Variants in UNC5B observed in about 807,000 individuals in gnomAD.
UNC5B encodes the protein netrin receptor UNC5B.
UNC5B carries 56 observed loss-of-function variants against 103.7 expected under a neutral mutation model. The observed-to-expected ratio is 0.54, with a 90% CI of 0.44 to 0.67. The LOEUF (loss-of-function observed/expected upper bound fraction) is 0.67. UNC5B is among the 30% of genes least tolerant of loss of function. The pLI, the probability that UNC5B is intolerant of heterozygous loss-of-function variation, is 0.00. For missense variants in UNC5B, 1,194 were observed against 1,284.5 expected, an observed-to-expected ratio of 0.93 and a Z score of 1.08; for synonymous variants, 577 against 542.0, an observed-to-expected ratio of 1.06 and a Z score of -0.90.
chr10:71,286,347 TTTAG>T (rs2132305064), intron 4 of UNC5B, among the ~76,000 whole-genome samples: 2 of 152,352 alleles, frequency 1.3e-5, no homozygotes, highest in South Asian at 4.1e-4. Context: ...CTAGCACCTA[TTTAG>T]TTAGTTTAAC....
At chr10:71,267,064 G>A (rs1461707395) in intron 1 of UNC5B, among the ~76,000 whole-genome samples, 2 of 152,092 alleles carry the variant, frequency 1.3e-5, no homozygotes, top group African/African-American at 4.8e-5. Flanking sequence ...GGCATCCACG[G>A]GGGGTCTTGG....
Position 71,299,192 on chromosome 10 carries a change from G to T in UNC5B, c.2753G>T (p.Gly918Val). The T allele has an allele frequency of 6.2e-7, 1 of 1,614,256 alleles. No homozygotes were observed. The highest frequency in any genetic ancestry group is 8.5e-7 in the Non-Finnish European group (1 of 1,180,044). ...TGGGAAGCTCTGCAGCAGGACGATG[G>T]GGACCTCAACAGCCTGGCGAGTGCC... is the stretch of plus-strand genomic sequence containing the variant. ...DLWEALQQDD[G>V]DLNSLASALE... Residue 918 changes from glycine (G) to valine (V), a missense_variant, in exon 17 of 17, where the codon GGG becomes GTG. Coordinates refer to ENST00000335350, the MANE Select transcript of UNC5B (RefSeq NM_170744.5).
chr10:71,270,579 A>C (rs1844625283), intron 1 of UNC5B, among the ~76,000 whole-genome samples: 1 of 152,126 alleles, frequency 6.6e-6, no homozygotes. Context: ...GCCCAGAGAG[A>C]GGAAGGGTCC....
In UNC5B at chr10:71,213,728, A is replaced by AGTGTGTGTGTGTGTGTGTGTGT. The variant is rs58235566; in HGVS notation, c.79+677_79+698dup. ...ATTATTAATTTTCTGAGTGTTGGAG[A>AGTGTGTGTGTGTGTGTGTGTGT]GTGTGTGTGTGTGTGTGTGTGTGTG... On this transcript the variant is annotated intron_variant, in intron 1 of 16. Transcript: ENST00000335350. This position sits in a 1 kb window ranked among gnomAD's most constrained non-coding sequence, Gnocchi z 4.1. Among the ~76,000 whole-genome samples, 354 of 131,446 alleles carry AGTGTGTGTGTGTGTGTGTGTGT rather than the reference A, an allele frequency of 2.7e-3. 2 individuals are homozygous for AGTGTGTGTGTGTGTGTGTGTGT. Among genetic ancestry groups the AGTGTGTGTGTGTGTGTGTGTGT allele is most frequent in the African/African-American group, 9.4e-3 (323 of 34,240 alleles). The allele number at this position is 131,446 out of a possible 152,430, so 86.2% of individuals were successfully genotyped here.
intron 1 of UNC5B, among the ~76,000 whole-genome samples, chr10:71,222,441 G>A (rs986926338): frequency 2.0e-5 from 3 of 152,204 alleles, no homozygotes; most frequent in Admixed American, 6.5e-5. Flanking sequence ...CTGATGTGAC[G>A]TGAACACACA....
chr10:71,277,736 C>T (rs1271412461), intron 1 of UNC5B, among the ~76,000 whole-genome samples: 1 of 152,218 alleles, frequency 6.6e-6, no homozygotes, highest in Admixed American at 6.5e-5. Flanking sequence ...GGAGCCCTGG[C>T]CTGGCCTCAG....
rs1247597758 is a variant in UNC5B at position 71,279,801 on chromosome 10, G to T, written c.80-20G>T. On this transcript the variant is annotated intron_variant, in intron 1 of 16. Transcript: ENST00000335350. ...CCCTCCCAGCACACAGCCTCATGGA[G>T]GTCTCCACTCACTCTGCAGGCACTG... is the stretch of plus-strand genomic sequence containing the variant. 1.2e-6 allele frequency: 2 copies of T among 1,608,152 alleles called. No individual in the cohort carries two copies. Among genetic ancestry groups the T allele is most frequent in the Non-Finnish European group, 1.7e-6 (2 of 1,177,714 alleles).
chr10:71,214,512 T>C (rs1179034940), intron 1 of UNC5B, among the ~76,000 whole-genome samples: 3 of 152,088 alleles, frequency 2.0e-5, no homozygotes, highest in African/African-American at 7.2e-5. Context: ...AACCTTGTTT[T>C]AAAGGGTGCA....
chr10:71,276,583 A>G (rs1414241043), intron 1 of UNC5B, among the ~76,000 whole-genome samples: 2 of 152,152 alleles, frequency 1.3e-5, no homozygotes, highest in Non-Finnish European at 2.9e-5. Context: ...AGAGGTGCAC[A>G]CCACCATGCC....
chr10:71,297,402 A>C (rs1208498462), intron 15 of UNC5B, among the ~76,000 whole-genome samples: 1 of 152,268 alleles, frequency 6.6e-6, no homozygotes, highest in East Asian at 1.9e-4. Context: ...TGCAAGGACC[A>C]GGCCTGTGGT....
At chr10:71,235,745 A>G (rs1263903859) in intron 1 of UNC5B, among the ~76,000 whole-genome samples, 1 of 152,226 alleles carries the variant, frequency 6.6e-6, no homozygotes, top group Non-Finnish European at 1.5e-5. Flanking sequence ...CTGAAAAGGA[A>G]GGGCAGCTCC....
At chr10:71,263,965 T>A (rs1255779026) in intron 1 of UNC5B, among the ~76,000 whole-genome samples, 2 of 152,330 alleles carry the variant, frequency 1.3e-5, no homozygotes, top group Admixed American at 1.3e-4. Context: ...GTGATATTGA[T>A]GTACTCTGAG....
At chr10:71,224,116 G>T (rs573871274) in intron 1 of UNC5B, among the ~76,000 whole-genome samples, 84 of 152,264 alleles carry the variant, frequency 5.5e-4, no homozygotes, top group African/African-American at 1.9e-3. Flanking sequence ...GGCTGATCTG[G>T]AATTCCTCCC....
chr10:71,270,944 G>C (rs1589181664), intron 1 of UNC5B, among the ~76,000 whole-genome samples: 1 of 152,248 alleles, frequency 6.6e-6, no homozygotes, highest in African/African-American at 2.4e-5. Context: ...CCCAGCCTGG[G>C]TGGGGCTCTC....
chr10:71,294,372 G>T (rs904753159), intron 13 of UNC5B, among the ~76,000 whole-genome samples: 11 of 152,230 alleles, frequency 7.2e-5, no homozygotes, highest in African/African-American at 2.7e-4. Context: ...GGGCGAGATG[G>T]GCAGGGCTCA....
intron 1 of UNC5B, among the ~76,000 whole-genome samples, chr10:71,265,254 G>T (rs1442634922): frequency 6.6e-6 from 1 of 152,200 alleles, no homozygotes; most frequent in Non-Finnish European, 1.5e-5. Flanking sequence ...GTACTAAAGG[G>T]AAAGGTGGTT....
chr10:71,252,048 CAT>C (rs35976435), intron 1 of UNC5B, among the ~76,000 whole-genome samples: 29,247 of 152,144 alleles, frequency 0.19, 3,382 homozygotes, highest in Non-Finnish European at 0.27. Context: ...ATAAGTGTCA[CAT>C]ATATATATTA....
Position 71,302,805 on chromosome 10 carries a change from A to T in UNC5B, c.*3528A>T, listed in dbSNP as rs1289301693. The T allele has an allele frequency of 1.3e-5, 2 of 152,188 alleles. No homozygotes were observed. Among genetic ancestry groups the T allele is most frequent in the African/African-American group, 4.8e-5 (2 of 41,442 alleles). The allele number at this position is 152,188 out of a possible 1,614,324, so 9.4% of individuals were successfully genotyped here. A position where few individuals can be genotyped will look rare whatever the true frequency, so the allele number is the denominator to read the frequency against. On this transcript the variant is annotated 3_prime_UTR_variant, in exon 17 of 17. Transcript: ENST00000335350. ...CTGCAACCTATAAATAACCTTTAGC[A>T]TTCCTATTGTAACAAAATTAATTTT... is the stretch of plus-strand genomic sequence containing the variant.
At chr10:71,272,256 G>A (rs921291190) in intron 1 of UNC5B, among the ~76,000 whole-genome samples, 2 of 152,144 alleles carry the variant, frequency 1.3e-5, no homozygotes, top group Non-Finnish European at 2.9e-5. Flanking sequence ...TGTGCCCAGC[G>A]TGGGGCGTTT....
Sources: allele counts gnomAD v4.1 joint callset (sites outside exome capture counted in the v4.1 genomes callset), GRCh38; gene constraint gnomAD v4.1.1; non-coding constraint Gnocchi (gnomAD v3.1); transcripts MANE v1.5; gene names NCBI Gene and HGNC (gene_info 2026-07-23, HGNC 2026-07-21).